RBFOX1: variants seen among roughly 807,000 people sequenced by gnomAD.
The protein encoded by RBFOX1 is RNA binding fox-1 homolog 1.
Under a neutral mutation model 57.7 loss-of-function variants are expected in RBFOX1, and 8 were observed. The ratio of observed to expected loss-of-function variants is 0.14; its 90% confidence interval spans 0.08 to 0.25. RBFOX1 has a LOEUF of 0.25. Among genes scored for constraint, RBFOX1 ranks in the 10% least tolerant of loss-of-function variants. RBFOX1 has a pLI of 1.00. For synonymous variants in RBFOX1, 326 were observed against 222.4 expected (o/e 1.47, Z -4.15); for missense variants, 611 against 548.5 (o/e 1.11, Z -1.14).
chr16:6,751,223 G>T (rs1386520043), intron 3 of RBFOX1, among the ~76,000 whole-genome samples: 1 of 152,170 alleles, frequency 6.6e-6, no homozygotes, highest in Non-Finnish European at 1.5e-5. Flanking sequence ...ATTGAGCTCT[G>T]ATGTATATTA....
chr16:7,374,624 G>T (rs149599547), intron 4 of RBFOX1, among the ~76,000 whole-genome samples: 1 of 152,118 alleles, frequency 6.6e-6, no homozygotes, highest in Non-Finnish European at 1.5e-5. Flanking sequence ...TGATTGTCAT[G>T]TCCAAACTAA....
In RBFOX1 at chr16:5,672,004, C is replaced by A. The variant is rs550845557; in HGVS notation, c.318+73043C>A. On this transcript the variant is annotated intron_variant, in intron 3 of 19. Transcript: ENST00000641259. Reference sequence around the variant, plus strand: ...GCCTGTCCTATGTTCTTCAGGTAACCCAGTTAAATGGGTGGAGAGATTTGC... The same window carrying A: ...GCCTGTCCTATGTTCTTCAGGTAACACAGTTAAATGGGTGGAGAGATTTGC... 1.3e-4 allele frequency among the ~76,000 whole-genome samples: 20 copies of A among 152,022 alleles called. 1 individual carries two copies. The highest frequency in any genetic ancestry group is 1.2e-3 in the Admixed American group (18 of 15,260).
chr16:6,519,427 G>A (rs182741560), intron 2 of RBFOX1, among the ~76,000 whole-genome samples: 12 of 152,266 alleles, frequency 7.9e-5, no homozygotes, highest in East Asian at 1.9e-4. Context: ...GTGGCTGGGC[G>A]CAGTGGCTCA....
chr16:6,356,764 A>G (rs1165047214), intron 2 of RBFOX1, among the ~76,000 whole-genome samples: 1 of 152,236 alleles, frequency 6.6e-6, no homozygotes, highest in Non-Finnish European at 1.5e-5. Flanking sequence ...TGCAGACTTT[A>G]GTTAATAATA....
At chr16:7,355,881 A>T (rs1360203817) in intron 4 of RBFOX1, among the ~76,000 whole-genome samples, 1 of 152,238 alleles carries the variant, frequency 6.6e-6, no homozygotes, top group Non-Finnish European at 1.5e-5. Context: ...TGCTCTGCCC[A>T]GGCTTCTAGC....
intron 4 of RBFOX1, among the ~76,000 whole-genome samples, chr16:5,973,474 G>A (rs1194853679): frequency 2.0e-5 from 3 of 152,168 alleles, no homozygotes; most frequent in South Asian, 2.1e-4. Flanking sequence ...GTAAAATGGG[G>A]ATAATGATGC....
chr16:6,915,885 A>T (rs1016865381), intron 3 of RBFOX1, among the ~76,000 whole-genome samples: 2 of 152,090 alleles, frequency 1.3e-5, no homozygotes, highest in African/African-American at 4.8e-5. Flanking sequence ...AATTCTCCTG[A>T]AGTGGACATG....
At chr16:6,388,580 A>C (rs1400167894) in intron 2 of RBFOX1, among the ~76,000 whole-genome samples, 1 of 152,118 alleles carries the variant, frequency 6.6e-6, no homozygotes, top group Non-Finnish European at 1.5e-5. Flanking sequence ...CAGCCTTAAA[A>C]AGAAGGAAAC....
intron 1 of RBFOX1, among the ~76,000 whole-genome samples, chr16:6,069,612 G>A (rs940890131): frequency 3.3e-5 from 5 of 152,062 alleles, no homozygotes; most frequent in Non-Finnish European, 5.9e-5. Flanking sequence ...TAAACCTTCC[G>A]CAAACTTAGT....
At chr16:7,569,922 A>G (rs182864272) in intron 5 of RBFOX1, among the ~76,000 whole-genome samples, 1 of 150,488 alleles carries the variant, frequency 6.6e-6, no homozygotes, top group East Asian at 1.9e-4. Flanking sequence ...TTTGAATGTA[A>G]GTACTGATAC....
chr16:5,999,908 GAGTGA>G (rs2060565415), intron 4 of RBFOX1, among the ~76,000 whole-genome samples: 1 of 32,992 alleles, frequency 3.0e-5, no homozygotes, highest in Admixed American at 4.2e-4. Context: ...AAAAAAAAAA[GAGTGA>G]AGAAGGGAAA....
At chr16:7,300,480 A>G (rs1476014397) in intron 4 of RBFOX1, among the ~76,000 whole-genome samples, 1 of 152,248 alleles carries the variant, frequency 6.6e-6, no homozygotes, top group Non-Finnish European at 1.5e-5. Context: ...AAGTGAAAGT[A>G]AAATATTTCT....
chr16:6,644,688 A>G (rs1027785114), intron 2 of RBFOX1, among the ~76,000 whole-genome samples: 1 of 152,144 alleles, frequency 6.6e-6, no homozygotes, highest in Non-Finnish European at 1.5e-5. Context: ...TCCAGAGTGA[A>G]TGACTGCAAT....
intron 3 of RBFOX1, among the ~76,000 whole-genome samples, chr16:6,720,165 A>T (rs2065693051): frequency 6.6e-6 from 1 of 152,154 alleles, no homozygotes; most frequent in Admixed American, 6.5e-5. Context: ...AATATCTGAC[A>T]CAGGGTAAGG....
intron 4 of RBFOX1, among the ~76,000 whole-genome samples, chr16:7,272,013 T>G (rs1352759832): frequency 6.6e-6 from 1 of 152,206 alleles, no homozygotes; most frequent in Non-Finnish European, 1.5e-5. Flanking sequence ...TCATAGTGTT[T>G]TTGGGAATAG....
intron 4 of RBFOX1, among the ~76,000 whole-genome samples, chr16:7,442,003 G>C (rs996775367): frequency 1.3e-5 from 2 of 152,206 alleles, no homozygotes; most frequent in African/African-American, 2.4e-5. Context: ...CTCTTTGTCA[G>C]CACAAATGAG....
At chr16:5,512,220 A>G (rs2043620325) in intron 2 of RBFOX1, among the ~76,000 whole-genome samples, 1 of 152,234 alleles carries the variant, frequency 6.6e-6, no homozygotes, top group Non-Finnish European at 1.5e-5. Context: ...AGAGGCACAC[A>G]GTGCAGCTGA....
At chr16:7,410,892 A>G (rs1258616578) in intron 4 of RBFOX1, among the ~76,000 whole-genome samples, 2 of 151,102 alleles carry the variant, frequency 1.3e-5, no homozygotes, top group Non-Finnish European at 2.9e-5. Context: ...TGTGGGGAGT[A>G]CTAATAAGTT....
chr16:7,134,934 T>C (rs1054733730), intron 4 of RBFOX1, among the ~76,000 whole-genome samples: 2 of 152,114 alleles, frequency 1.3e-5, no homozygotes, highest in Non-Finnish European at 2.9e-5. Context: ...ATCTTTTTTT[T>C]TTTTCAATTT....
Sources: gnomAD v4.1 joint callset for allele counts (sites outside exome capture counted in the v4.1 genomes callset) on GRCh38, gnomAD v4.1.1 for gene constraint, MANE v1.5 for transcripts, NCBI Gene and HGNC (gene_info 2026-07-23, HGNC 2026-07-21) for gene names.